Variants in PKN2 observed in about 807,000 individuals in gnomAD.
PKN2 encodes serine/threonine-protein kinase N2.
A neutral mutation model predicts 119.1 loss-of-function variants in PKN2; 38 were observed. The observed-to-expected ratio is 0.32, with a 90% CI of 0.25 to 0.42. The LOEUF (loss-of-function observed/expected upper bound fraction) is 0.42, where lower values mean the gene tolerates loss of function less well. Ranked by LOEUF, PKN2 falls within the 10% of genes least tolerant of loss-of-function variation. The pLI is 1.00. For synonymous variants in PKN2, 390 were observed against 384.9 expected (o/e 1.01, Z -0.15); for missense variants, 850 against 1,165.1 (o/e 0.73, Z 3.94).
intron 1 of PKN2, among the ~76,000 whole-genome samples, chr1:88,699,788 AT>A (rs1666701255): frequency 1.3e-5 from 2 of 149,466 alleles, no homozygotes; most frequent in Non-Finnish European, 3.0e-5. Context: ...TAATTTTTTT[AT>A]TTTTTATTTT....
chr1:88,770,786 C>T (rs1031419902), intron 4 of PKN2, among the ~76,000 whole-genome samples: 15 of 151,134 alleles, frequency 9.9e-5, no homozygotes, highest in African/African-American at 2.9e-4. Flanking sequence ...GGGGTTTCAC[C>T]GTTTTAGCCG....
intron 6 of PKN2, among the ~76,000 whole-genome samples, chr1:88,775,072 C>A (rs1375384429): frequency 6.6e-6 from 1 of 152,066 alleles, no homozygotes; most frequent in Non-Finnish European, 1.5e-5. Context: ...TATATATATT[C>A]TCCCACCTCA....
At chr1:88,785,099 T>C (rs925407537) in intron 7 of PKN2, among the ~76,000 whole-genome samples, 20 of 152,194 alleles carry the variant, frequency 1.3e-4, no homozygotes, top group Admixed American at 6.5e-5. Flanking sequence ...ATACAGAAGC[T>C]ATGAGACTGG....
At chr1:88,728,722 G>A (rs1018711243) in intron 1 of PKN2, among the ~76,000 whole-genome samples, 3 of 152,100 alleles carry the variant, frequency 2.0e-5, no homozygotes, top group Non-Finnish European at 4.4e-5. Context: ...GTTTCTCACT[G>A]TTGGAGTTGG....
intron 1 of PKN2, among the ~76,000 whole-genome samples, chr1:88,691,858 A>G (rs1666346742): frequency 6.6e-6 from 1 of 152,228 alleles, no homozygotes; most frequent in Non-Finnish European, 1.5e-5. Flanking sequence ...AACTGTAATT[A>G]CAGTATAGTT....
chr1:88,796,569 T>C (rs562808372), intron 8 of PKN2, among the ~76,000 whole-genome samples: 59 of 152,314 alleles, frequency 3.9e-4, no homozygotes, highest in African/African-American at 1.3e-3. Context: ...GTATGTTTTT[T>C]CCCCTCTGAT....
At chr1:88,781,028 A>G (rs1196660273) in intron 6 of PKN2, 8 of 959,858 alleles carry the variant, frequency 8.3e-6, no homozygotes, top group South Asian at 4.6e-5. Flanking sequence ...GTATCTTACA[A>G]TTCTTAAGAC....
chr1:88,776,330 G>A (rs1171574434), intron 6 of PKN2, among the ~76,000 whole-genome samples: 2 of 149,334 alleles, frequency 1.3e-5, no homozygotes, highest in African/African-American at 2.5e-5. Flanking sequence ...GGGTCTCCTA[G>A]TGTCTACCTC....
chr1:88,774,813 A>G (rs113956173), intron 6 of PKN2, among the ~76,000 whole-genome samples: 6,046 of 151,526 alleles, frequency 0.04, 278 homozygotes, highest in African/African-American at 0.11. Flanking sequence ...GGCTCAAGCA[A>G]TCCTCCTGCC....
chr1:88,761,305 A>C (rs981536401), intron 3 of PKN2, among the ~76,000 whole-genome samples: 4 of 152,044 alleles, frequency 2.6e-5, no homozygotes, highest in African/African-American at 9.7e-5. Flanking sequence ...CTTTCAACTC[A>C]TGTATTTTAA....
chr1:88,725,569 A>G (rs1462140013), intron 1 of PKN2, among the ~76,000 whole-genome samples: 1 of 152,178 alleles, frequency 6.6e-6, no homozygotes, highest in East Asian at 1.9e-4. Context: ...GTATCTGTTC[A>G]AGCCTATTTT....
chr1:88,762,791 T>G (rs1486089786), intron 3 of PKN2, among the ~76,000 whole-genome samples: 1 of 152,212 alleles, frequency 6.6e-6, no homozygotes, highest in African/African-American at 2.4e-5. Context: ...TAGTACGATA[T>G]TTGAAAAATG....
At chr1:88,733,909 A>T (rs1223472508) in intron 1 of PKN2, among the ~76,000 whole-genome samples, 1 of 152,144 alleles carries the variant, frequency 6.6e-6, no homozygotes, top group South Asian at 2.1e-4. Flanking sequence ...CTATAATCCC[A>T]ACAATTTGGG....
At chr1:88,762,316 T>C (rs1409178057) in intron 3 of PKN2, among the ~76,000 whole-genome samples, 1 of 152,232 alleles carries the variant, frequency 6.6e-6, no homozygotes, top group Non-Finnish European at 1.5e-5. Flanking sequence ...TAGCTTTTTA[T>C]TTTTAATTAG....
chr1:88,700,341 G>A (rs967741356), intron 1 of PKN2, among the ~76,000 whole-genome samples: 1 of 152,082 alleles, frequency 6.6e-6, no homozygotes, highest in Non-Finnish European at 1.5e-5. Flanking sequence ...CTTCCACAAT[G>A]CAGAACCCGT....
chr1:88,737,284 T>C (rs6664200), intron 1 of PKN2, among the ~76,000 whole-genome samples: 10,177 of 152,204 alleles, frequency 0.067, 698 homozygotes, highest in African/African-American at 0.18. Flanking sequence ...TCTATTCCAC[T>C]GAGGCCATGT....
chr1:88,700,482 T>A (rs78445470), intron 1 of PKN2, among the ~76,000 whole-genome samples: 354 of 152,300 alleles, frequency 2.3e-3, no homozygotes, highest in African/African-American at 7.8e-3. Context: ...GATCCCTATT[T>A]TAGAATCCTT....
chr1:88,818,945 A>C (rs1672129887), intron 16 of PKN2, among the ~76,000 whole-genome samples: 1 of 152,196 alleles, frequency 6.6e-6, no homozygotes, highest in Non-Finnish European at 1.5e-5. Flanking sequence ...TTCCCTATTT[A>C]ATAAATGGTG....
chr1:88,766,889 A>T (rs1669687363), intron 3 of PKN2, among the ~76,000 whole-genome samples: 1 of 152,158 alleles, frequency 6.6e-6, no homozygotes, highest in Admixed American at 6.6e-5. Flanking sequence ...CATCCTGCAG[A>T]TCCTCCAGAA....
Sources: gnomAD v4.1 joint callset for allele counts (sites outside exome capture counted in the v4.1 genomes callset) on GRCh38, gnomAD v4.1.1 for gene constraint, MANE v1.5 for transcripts, NCBI Gene and HGNC (gene_info 2026-07-23, HGNC 2026-07-21) for gene names.